RIT2: variants seen among roughly 807,000 people sequenced by gnomAD.
RIT2 encodes the protein GTP-binding protein Rit2.
Under a neutral mutation model 23.7 loss-of-function variants are expected in RIT2, and 24 were observed. The observed-to-expected ratio is 1.01, with a 90% CI of 0.73 to 1.43. The LOEUF (loss-of-function observed/expected upper bound fraction) is 1.43. Ranked by LOEUF, RIT2 falls within the 40% of genes most tolerant of loss-of-function variation. The pLI is 0.00. For missense variants in RIT2, 236 were observed against 266.9 expected (o/e 0.88, Z 0.81); for synonymous variants, 107 against 91.1 (o/e 1.17, Z -0.99).
At chr18:42,902,078 T>C (rs1908490055) in intron 4 of RIT2, among the ~76,000 whole-genome samples, 1 of 151,872 alleles carries the variant, frequency 6.6e-6, no homozygotes, top group Non-Finnish European at 1.5e-5. Flanking sequence ...ATATTTCCCA[T>C]AAAGGTCTGT....
At chr18:42,839,014 A>C (rs543051294) in intron 4 of RIT2, among the ~76,000 whole-genome samples, 4 of 152,306 alleles carry the variant, frequency 2.6e-5, no homozygotes, top group Non-Finnish European at 5.9e-5. Context: ...GCATCACAAC[A>C]CCCAGCCCAT....
intron 4 of RIT2, among the ~76,000 whole-genome samples, chr18:42,806,900 A>T (rs887904101): frequency 2.0e-5 from 3 of 152,232 alleles, no homozygotes; most frequent in African/African-American, 7.2e-5. Context: ...AGAGTAAATT[A>T]TAAACAGGAT....
chr18:42,801,276 A>G (rs1170030937), intron 4 of RIT2, among the ~76,000 whole-genome samples: 2 of 152,202 alleles, frequency 1.3e-5, no homozygotes, highest in Non-Finnish European at 2.9e-5. Flanking sequence ...ATGTTAGAGT[A>G]TAACATGGCT....
intron 4 of RIT2, among the ~76,000 whole-genome samples, chr18:42,837,400 C>T (rs1906645446): frequency 6.6e-6 from 1 of 151,658 alleles, no homozygotes; most frequent in Non-Finnish European, 1.5e-5. Context: ...ATCTCCTGAC[C>T]TCATGATCCG....
At chr18:42,918,370 TATTTA>T (rs1037440847) in intron 4 of RIT2, among the ~76,000 whole-genome samples, 16 of 152,300 alleles carry the variant, frequency 1.1e-4, no homozygotes, top group East Asian at 1.9e-4. Flanking sequence ...CATTCACATT[TATTTA>T]ATTTAATTAA....
chr18:43,050,537 T>A (rs1398666119), intron 1 of RIT2, among the ~76,000 whole-genome samples: 1 of 152,076 alleles, frequency 6.6e-6, no homozygotes, highest in African/African-American at 2.4e-5. Flanking sequence ...GGGTTCCTGG[T>A]TCATAACTCC....
chr18:42,794,784 T>C (rs1433642189), intron 4 of RIT2, among the ~76,000 whole-genome samples: 1 of 152,208 alleles, frequency 6.6e-6, no homozygotes, highest in African/African-American at 2.4e-5. Flanking sequence ...AGCATGTTAT[T>C]TATCAAAAGA....
chr18:42,977,704 A>G lies in RIT2; in HGVS notation c.161-3557T>C, dbSNP rs1335393465. On this transcript the variant is annotated intron_variant, in intron 2 of 4. Transcript: ENST00000326695. ...ACATACATATAAACACATATATACA[A>G]TGGGATGTCAAAATCACAAAATGTA... 2.6e-5 allele frequency among the ~76,000 whole-genome samples: 4 copies of G among 151,346 alleles called. No homozygotes were observed. The Admixed American group carries it at 2.7e-4, about 10-fold the overall frequency.
At chr18:42,920,647 G>C (rs1909031529) in intron 4 of RIT2, 2 of 1,236,882 alleles carry the variant, frequency 1.6e-6, no homozygotes, top group Non-Finnish European at 2.3e-6. Flanking sequence ...TTTTAGAAAG[G>C]GCCCTGGGAT....
At chr18:42,986,981 T>C (rs762874285) in intron 2 of RIT2, among the ~76,000 whole-genome samples, 3 of 152,154 alleles carry the variant, frequency 2.0e-5, no homozygotes, top group Non-Finnish European at 4.4e-5. Flanking sequence ...ATGGAGAGTT[T>C]GTGGTGCTAT....
At chr18:43,044,101 C>CT (rs2144297980) in intron 1 of RIT2, among the ~76,000 whole-genome samples, 1 of 152,172 alleles carries the variant, frequency 6.6e-6, no homozygotes, top group East Asian at 1.9e-4. Context: ...GTGATAGGAT[C>CT]TTTTTAAAGT....
chr18:42,923,724 C>T lies in RIT2; in HGVS notation c.274G>A (p.Gly92Arg), dbSNP rs1452965453. The change falls in exon 4 of 5, where the codon GGG becomes AGG. Residue 92 changes from glycine to arginine, a missense_variant. Gly to Arg is a moderately radical substitution (Grantham distance 125, BLOSUM62 -2). Coordinates refer to ENST00000326695, the MANE Select transcript of RIT2 (RefSeq NM_002930.4). Reference protein sequence around the residue: ...TAMREQYMRGGEGFIICYSVT... With the variant: ...TAMREQYMRGREGFIICYSVT... The stretch of plus-strand genomic sequence containing the variant: ...GAGTAGCAGATGATGAAGCCTTCCC[C>T]ACCTCGCATGTACTGCTCCCGCATG... 1 of 1,612,848 alleles carries T rather than the reference C, an allele frequency of 6.2e-7. No individual in the cohort carries two copies. Among genetic ancestry groups the T allele is most frequent in the Admixed American group, 1.7e-5 (1 of 59,918 alleles).
chr18:43,058,320 C>T (rs941125188), intron 1 of RIT2, among the ~76,000 whole-genome samples: 1 of 152,046 alleles, frequency 6.6e-6, no homozygotes, highest in African/African-American at 2.4e-5. Flanking sequence ...AATTACTATT[C>T]TTAGACATAA....
chr18:43,108,679 G>A (rs1337396111), intron 1 of RIT2, among the ~76,000 whole-genome samples: 1 of 152,162 alleles, frequency 6.6e-6, no homozygotes, highest in African/African-American at 2.4e-5. Context: ...GTCAATCAAA[G>A]CCTTTCGCCT....
intron 1 of RIT2, among the ~76,000 whole-genome samples, chr18:43,047,024 A>G (rs1056179873): frequency 4.6e-5 from 7 of 152,196 alleles, no homozygotes; most frequent in Non-Finnish European, 8.8e-5. Context: ...AATAAAAAAA[A>G]GCTATAATTA....
chr18:42,970,369 A>AT (rs1287352080), intron 3 of RIT2, among the ~76,000 whole-genome samples: 2 of 152,084 alleles, frequency 1.3e-5, no homozygotes, highest in African/African-American at 4.8e-5. Flanking sequence ...AGAGTTAAGT[A>AT]TTAAAAAAAT....
At chr18:42,755,611 A>C (rs1051533981) in intron 4 of RIT2, among the ~76,000 whole-genome samples, 1 of 152,154 alleles carries the variant, frequency 6.6e-6, no homozygotes, top group Non-Finnish European at 1.5e-5. Flanking sequence ...ATCACCCATC[A>C]GTATAAAGTA....
chr18:42,797,497 T>C (rs2143956861), intron 4 of RIT2, among the ~76,000 whole-genome samples: 1 of 152,246 alleles, frequency 6.6e-6, no homozygotes, highest in African/African-American at 2.4e-5. Flanking sequence ...GTTTAATTTA[T>C]AGTTTTTTAT....
At chr18:42,878,126 C>T (rs1014879315) in intron 4 of RIT2, among the ~76,000 whole-genome samples, 3 of 150,348 alleles carry the variant, frequency 2.0e-5, no homozygotes, top group African/African-American at 4.9e-5. Flanking sequence ...AATATATATA[C>T]ACATATAGTT....
Sources: allele counts gnomAD v4.1 joint callset (sites outside exome capture counted in the v4.1 genomes callset), GRCh38; gene constraint gnomAD v4.1.1; transcripts MANE v1.5; gene names NCBI Gene and HGNC (gene_info 2026-07-23, HGNC 2026-07-21).